The following NRXN1 variants were observed in gnomAD, a reference collection of about 807,000 sequenced individuals.
The protein encoded by NRXN1 is neurexin 1.
Under a neutral mutation model 150.9 loss-of-function variants are expected in NRXN1, and 39 were observed. The observed-to-expected ratio is 0.26, with a 90% CI of 0.20 to 0.34. The LOEUF (loss-of-function observed/expected upper bound fraction) is 0.34, where lower values mean the gene tolerates loss of function less well. NRXN1 is among the 10% of genes least tolerant of loss of function. NRXN1 has a pLI of 1.00. For synonymous variants in NRXN1, 924 were observed against 757.0 expected (o/e 1.22, Z -3.62); for missense variants, 1,815 against 1,949.9 (o/e 0.93, Z 1.30).
chr2:49,952,169 C>A (rs568626209), intron 21 of NRXN1, among the ~76,000 whole-genome samples: 1 of 152,152 alleles, frequency 6.6e-6, no homozygotes, highest in South Asian at 2.1e-4. Flanking sequence ...CAGATGACTT[C>A]TACCTATCCA....
At chr2:50,844,407 G>A (rs1385213044) in intron 5 of NRXN1, among the ~76,000 whole-genome samples, 1 of 152,106 alleles carries the variant, frequency 6.6e-6, no homozygotes, top group Non-Finnish European at 1.5e-5. Flanking sequence ...GACCTTCTAG[G>A]TGCATGACCA....
intron 21 of NRXN1, among the ~76,000 whole-genome samples, chr2:49,984,982 A>C (rs1166385180): frequency 2.0e-5 from 3 of 152,202 alleles, no homozygotes; most frequent in African/African-American, 7.2e-5. Context: ...AATGCATGTA[A>C]TATGTGACTA....
intron 8 of NRXN1, among the ~76,000 whole-genome samples, chr2:50,569,361 G>C (rs893590517): frequency 6.6e-6 from 1 of 151,986 alleles, no homozygotes; most frequent in South Asian, 2.1e-4. Context: ...ACCTTCATGT[G>C]ATCATTAGGC....
At chr2:50,544,774 C>T (rs574937114) in intron 9 of NRXN1, among the ~76,000 whole-genome samples, 1 of 152,056 alleles carries the variant, frequency 6.6e-6, no homozygotes, top group Non-Finnish European at 1.5e-5. Context: ...GACCAATATA[C>T]ACAAAGATTT....
chr2:50,068,139 T>C (rs1384394203), intron 19 of NRXN1, among the ~76,000 whole-genome samples: 1 of 152,152 alleles, frequency 6.6e-6, no homozygotes, highest in Non-Finnish European at 1.5e-5. Context: ...TGGACTTCAA[T>C]CTCTCTCTTC....
intron 2 of NRXN1, among the ~76,000 whole-genome samples, chr2:50,992,946 G>C (rs971299777): frequency 3.3e-5 from 5 of 151,952 alleles, no homozygotes; most frequent in Non-Finnish European, 7.4e-5. Context: ...ATTTTACCAA[G>C]TGCATAAATT....
At chr2:50,161,377 C>T (rs1574248301) in intron 18 of NRXN1, among the ~76,000 whole-genome samples, 1 of 152,116 alleles carries the variant, frequency 6.6e-6, no homozygotes, top group Non-Finnish European at 1.5e-5. Context: ...CTAACACATG[C>T]TTCTCCAAAA....
chr2:49,972,997 T>G (rs2152497697), intron 21 of NRXN1: 1 of 152,386 alleles, frequency 6.6e-6, no homozygotes, highest in Non-Finnish European at 1.5e-5. Flanking sequence ...CTAGCTCTAA[T>G]TCTCCACAGG....
intron 2 of NRXN1, among the ~76,000 whole-genome samples, chr2:51,013,261 G>T (rs763587288): frequency 4.6e-5 from 7 of 152,032 alleles, no homozygotes; most frequent in Non-Finnish European, 8.8e-5. Flanking sequence ...AAGGGCAGCT[G>T]GCTCAGGGCA....
At chr2:50,084,360 A>T (rs1358543071) in intron 19 of NRXN1, among the ~76,000 whole-genome samples, 2 of 152,134 alleles carry the variant, frequency 1.3e-5, no homozygotes. Flanking sequence ...CCCCGCAGGG[A>T]GGCAGCTAAA....
At chr2:49,979,506 G>C (rs557127941) in intron 21 of NRXN1, among the ~76,000 whole-genome samples, 2 of 152,288 alleles carry the variant, frequency 1.3e-5, no homozygotes, top group South Asian at 4.1e-4. Context: ...TCTCCTTTCA[G>C]AAGAATTTAA....
chr2:50,422,918 T>C (rs2084112940), intron 17 of NRXN1, among the ~76,000 whole-genome samples: 1 of 152,198 alleles, frequency 6.6e-6, no homozygotes, highest in South Asian at 2.1e-4. Flanking sequence ...CTTTAACTTG[T>C]TGACTGATGT....
chr2:50,972,732 G>A (rs1558514681), intron 2 of NRXN1, among the ~76,000 whole-genome samples: 1 of 151,968 alleles, frequency 6.6e-6, no homozygotes, highest in East Asian at 1.9e-4. Flanking sequence ...CACATGCACA[G>A]GTCATCACAG....
intron 17 of NRXN1, among the ~76,000 whole-genome samples, chr2:50,323,344 A>G (rs995413928): frequency 6.6e-6 from 1 of 152,174 alleles, no homozygotes; most frequent in African/African-American, 2.4e-5. Flanking sequence ...TGATGCTGTC[A>G]GTCTGGGGAC....
At chr2:50,798,629 G>A (rs992045920) in intron 5 of NRXN1, among the ~76,000 whole-genome samples, 3 of 152,140 alleles carry the variant, frequency 2.0e-5, no homozygotes, top group Admixed American at 6.6e-5. Context: ...AAAGACCATG[G>A]AGGCTATACG....
In NRXN1 at chr2:50,961,834, T is replaced by C. The variant is rs1461363703; in HGVS notation, c.773-35879A>G. Among the ~76,000 whole-genome samples the C allele has an allele frequency of 2.6e-5, 4 of 151,726 alleles. No homozygotes were observed. The East Asian group carries it at 7.7e-4, about 29-fold the overall frequency. ...ATTCCTTTCCTCATAATATTATCAT[T>C]TGTATATAGATACATACAACCATAT... On this transcript the variant is annotated intron_variant, in intron 2 of 22. Transcript: ENST00000401669.
intron 21 of NRXN1, among the ~76,000 whole-genome samples, chr2:49,992,780 T>A (rs943463694): frequency 6.6e-6 from 1 of 152,036 alleles, no homozygotes; most frequent in African/African-American, 2.4e-5. Context: ...CAAAAAGAGA[T>A]ATAGATGGCA....
intron 9 of NRXN1, among the ~76,000 whole-genome samples, chr2:50,538,873 T>C (rs557396290): frequency 9.4e-4 from 139 of 148,354 alleles, no homozygotes; most frequent in Non-Finnish European, 1.5e-3. Flanking sequence ...GAAACCTAAG[T>C]GTACAGCCAA....
At chr2:50,411,890 AAAAG>A (rs2083211300) in intron 17 of NRXN1, among the ~76,000 whole-genome samples, 1 of 152,366 alleles carries the variant, frequency 6.6e-6, no homozygotes, top group African/African-American at 2.4e-5. Flanking sequence ...AAATGTGGGG[AAAAG>A]AAAGAGAGAT....
Sources: gnomAD v4.1 joint callset for allele counts (sites outside exome capture counted in the v4.1 genomes callset) on GRCh38, gnomAD v4.1.1 for gene constraint, MANE v1.5 for transcripts, NCBI Gene and HGNC (gene_info 2026-07-23, HGNC 2026-07-21) for gene names.